RTN3: variants seen among roughly 807,000 people sequenced by gnomAD.
RTN3 encodes reticulon-3.
In RTN3, 49 loss-of-function variants were observed where a neutral mutation model predicts 77.8. The observed-to-expected ratio is 0.63, with a 90% confidence interval of 0.50 to 0.80. The LOEUF is 0.80. Among genes scored for constraint, RTN3 ranks in the 30% least tolerant of loss-of-function variants. The pLI is 0.00. For missense variants in RTN3, 1,236 were observed against 1,211.9 expected, an observed-to-expected ratio of 1.02 and a Z score of -0.29; for synonymous variants, 464 against 446.9, an observed-to-expected ratio of 1.04 and a Z score of -0.48.
rs1200293657 is a variant in RTN3, at chr11:63,720,407, G to A, written c.1905G>A (p.Leu635=). 5 of 1,613,772 alleles carry A rather than the reference G, an allele frequency of 3.1e-6. No homozygotes were observed. In the South Asian group the frequency reaches 5.5e-5, roughly 18 times the overall value. ...TAAATGTGACAACATCTGCCTATTT[G>A]GAGTCATTACATGGGAAAAATGTTA... The part of the protein sequence containing the change: ...FSLNVTTSAY[L]ESLHGKNVKH... Residue 635 remains leucine (L), a synonymous_variant, in exon 3 of 9, where the codon TTG becomes TTA. Transcript: ENST00000377819.
intron 3 of RTN3, among the ~76,000 whole-genome samples, chr11:63,738,687 C>T (rs1368729725): frequency 1.3e-5 from 2 of 150,344 alleles, no homozygotes; most frequent in African/African-American, 4.9e-5. Context: ...CTTGAAATTT[C>T]TTTCACATTT....
At chr11:63,690,722 A>G (rs1235263034) in intron 1 of RTN3, among the ~76,000 whole-genome samples, 2 of 152,242 alleles carry the variant, frequency 1.3e-5, no homozygotes, top group Non-Finnish European at 2.9e-5. Context: ...TTTCTAGTCA[A>G]GTTCACCAGA....
intron 3 of RTN3, among the ~76,000 whole-genome samples, chr11:63,721,732 G>A (rs2011826658): frequency 1.3e-5 from 2 of 151,696 alleles, no homozygotes; most frequent in African/African-American, 4.8e-5. Flanking sequence ...CTCCATAATT[G>A]TCATACTTTT....
intron 1 of RTN3, among the ~76,000 whole-genome samples, chr11:63,683,842 C>T (rs903866474): frequency 1.3e-5 from 2 of 150,976 alleles, no homozygotes; most frequent in South Asian, 2.1e-4. Context: ...AGAATTATAT[C>T]GTGAAGTGCT....
intron 3 of RTN3, among the ~76,000 whole-genome samples, chr11:63,729,341 G>A (rs542120229): frequency 1.9e-4 from 29 of 149,062 alleles, no homozygotes; most frequent in Non-Finnish European, 2.5e-4. Context: ...AGCAAAAATT[G>A]TAATAACGTG....
chr11:63,724,956 A>T (rs1350863201), intron 3 of RTN3, among the ~76,000 whole-genome samples: 1 of 151,878 alleles, frequency 6.6e-6, no homozygotes, highest in East Asian at 1.9e-4. Flanking sequence ...TGAAGTTGTT[A>T]AAGTTTTGTT....
chr11:63,746,472 C>T (rs1202675678), intron 3 of RTN3, among the ~76,000 whole-genome samples: 3 of 151,928 alleles, frequency 2.0e-5, no homozygotes, highest in African/African-American at 4.8e-5. Context: ...CTTTGTTTTA[C>T]GTAACCAACG....
At position 63,718,944 on chromosome 11, in the gene RTN3, G is replaced by A; in HGVS notation, c.442G>A (p.Ala148Thr). Residue 148 changes from alanine to threonine, a missense_variant, in exon 3 of 9, where the codon GCA becomes ACA. Physicochemically the swap from Ala to Thr is moderately conservative, Grantham distance 58. Transcript: ENST00000377819. ...CGTATCAGACTCTTCAGTTTCTCTTGCAGCAGGAGTTCATTGTGACCGTCC... is the reference window on the plus strand; with the variant it reads ...CGTATCAGACTCTTCAGTTTCTCTTACAGCAGGAGTTCATTGTGACCGTCC... Reference protein sequence around the residue: ...NNVSDSSVSLAAGVHCDRPSI... With the variant: ...NNVSDSSVSLTAGVHCDRPSI... 6.2e-7 allele frequency: 1 copy of A among 1,614,178 alleles called. No homozygotes were observed. The highest frequency in any genetic ancestry group is 1.1e-5 in the South Asian group (1 of 91,078).
At chr11:63,689,257 C>T (rs898392255) in intron 1 of RTN3, among the ~76,000 whole-genome samples, 1 of 152,066 alleles carries the variant, frequency 6.6e-6, no homozygotes, top group Non-Finnish European at 1.5e-5. Flanking sequence ...ATTAGCAGGT[C>T]GATATTTTGT....
chr11:63,720,238 A>T lies in RTN3; in HGVS notation c.1736A>T (p.Glu579Val). ...ATTCTTGGAAGGAGTCCAGCTAGTG[A>T]GGCAGCATGTTCAAAAGTACCCGAT... ...PDILGRSPAS[E>V]AACSKVPDTN... The change falls in exon 3 of 9, where the codon GAG becomes GTG. Residue 579 changes from glutamate to valine, a missense_variant. By Grantham distance (121) the Glu-to-Val change is moderately radical. This residue lies in a region of RTN3 where 1,056 missense variants were observed against 990.4 expected (regional missense o/e 1.07). Transcript: ENST00000377819. 2.5e-6 allele frequency: 4 copies of T among 1,614,134 alleles called. No individual in the cohort carries two copies. The highest frequency in any genetic ancestry group is 3.4e-6 in the Non-Finnish European group (4 of 1,180,002).
At position 63,720,138 on chromosome 11, in the gene RTN3, G is replaced by A. The variant is rs777821535; in HGVS notation, c.1636G>A (p.Glu546Lys). The A allele has an allele frequency of 1.2e-6, 2 of 1,613,640 alleles. No homozygotes were observed. Among genetic ancestry groups the A allele is most frequent in the Non-Finnish European group, 1.7e-6 (2 of 1,179,946 alleles). The part of the protein sequence containing the change: ...EREIKEIPSC[E>K]REEKTSKNFE... ...AGAAATCAAAGAGATTCCCAGTTGT[G>A]AGAGAGAAGAAAAAACATCTAAAAA... The change falls in exon 3 of 9, where the codon GAG becomes AAG. Residue 546 changes from glutamate (E) to lysine (K), a missense_variant. Physicochemically the swap from Glu to Lys is moderately conservative, Grantham distance 56. Transcript: ENST00000377819.
chr11:63,693,482 C>T (rs1178954377), intron 1 of RTN3, among the ~76,000 whole-genome samples: 2 of 150,858 alleles, frequency 1.3e-5, no homozygotes, highest in Non-Finnish European at 3.0e-5. Context: ...AAAACTCCAT[C>T]TCAAAAAAAA....
At chr11:63,710,068 T>G (rs903841040) in intron 2 of RTN3, among the ~76,000 whole-genome samples, 3 of 152,236 alleles carry the variant, frequency 2.0e-5, no homozygotes, top group Non-Finnish European at 4.4e-5. Context: ...GTAATTAAGT[T>G]ATACGTACTT....
intron 1 of RTN3, among the ~76,000 whole-genome samples, chr11:63,688,036 A>G (rs907594186): frequency 1.3e-5 from 2 of 152,206 alleles, no homozygotes; most frequent in African/African-American, 4.8e-5. Flanking sequence ...AAGGCTTGGC[A>G]TGAATCAATA....
intron 8 of RTN3, among the ~76,000 whole-genome samples, chr11:63,757,895 A>C (rs1289528539): frequency 1.3e-5 from 2 of 151,642 alleles, no homozygotes; most frequent in Non-Finnish European, 2.9e-5. Flanking sequence ...ACGCCTGGCT[A>C]ATTTTTGCAT....
At position 63,758,655 on chromosome 11, in the gene RTN3, G is replaced by GT. The variant is rs1242913936; in HGVS notation, c.*463dup. On this transcript the variant is annotated 3_prime_UTR_variant, in exon 9 of 9. Transcript: ENST00000377819. ...GGACAGGAGTGTGATACCTTCCTTG[G>GT]TTTTTTTTTGCAGCCCTCAAATCCT... 3.8e-3 allele frequency: 1,227 copies of GT among 322,756 alleles called. No homozygotes were observed. Among genetic ancestry groups the GT allele is most frequent in the African/African-American group, 0.012 (567 of 46,630 alleles). The allele number at this position is 322,756 out of a possible 1,614,324, so 20.0% of individuals were successfully genotyped here. A position where few individuals can be genotyped will look rare whatever the true frequency, so the allele number is the denominator to read the frequency against.
intron 3 of RTN3, among the ~76,000 whole-genome samples, chr11:63,742,701 G>A (rs1282769963): frequency 6.6e-6 from 1 of 152,102 alleles, no homozygotes; most frequent in East Asian, 1.9e-4. Flanking sequence ...AGGTCAATTT[G>A]GGGATAATTA....
chr11:63,703,341 G>A (rs1296808793), intron 1 of RTN3, among the ~76,000 whole-genome samples: 1 of 151,956 alleles, frequency 6.6e-6, no homozygotes, highest in African/African-American at 2.4e-5. Context: ...AGGTATAGCT[G>A]TACCTCATTC....
intron 4 of RTN3, among the ~76,000 whole-genome samples, chr11:63,751,445 CT>C (rs1003402008): frequency 1.3e-5 from 2 of 152,144 alleles, no homozygotes; most frequent in African/African-American, 4.8e-5. Flanking sequence ...CAATTTCTAG[CT>C]TTTTTGATTG....
Sources: gnomAD v4.1 joint callset for allele counts (sites outside exome capture counted in the v4.1 genomes callset) on GRCh38, gnomAD v4.1.1 for gene constraint, gnomAD v4.1.1 regional missense constraint, MANE v1.5 for transcripts, NCBI Gene and HGNC (gene_info 2026-07-23, HGNC 2026-07-21) for gene names.